The following ADAMTS18 variants were observed in gnomAD, a reference collection of about 807,000 sequenced individuals.
The protein encoded by ADAMTS18 is A disintegrin and metalloproteinase with thrombospondin motifs 18.
In ADAMTS18, 157 loss-of-function variants were observed where a neutral mutation model predicts 165.9. That is an observed-to-expected ratio of 0.95 (90% CI 0.83 to 1.08). ADAMTS18 has a LOEUF of 1.08. ADAMTS18 is among the 50% of genes least tolerant of loss of function. The pLI, the probability that ADAMTS18 is intolerant of heterozygous loss-of-function variation, is 0.00. For missense variants in ADAMTS18, 2,040 were observed against 1,534.0 expected (o/e 1.33, Z -5.51); for synonymous variants, 782 against 578.2 (o/e 1.35, Z -5.06).
intron 3 of ADAMTS18, among the ~76,000 whole-genome samples, chr16:77,430,513 C>A (rs2057725877): frequency 6.6e-6 from 1 of 152,228 alleles, no homozygotes; most frequent in Non-Finnish European, 1.5e-5. Flanking sequence ...TGCCAGAGCA[C>A]AATCACCATG....
chr16:77,429,007 T>A (rs2057706769), intron 3 of ADAMTS18, among the ~76,000 whole-genome samples: 1 of 152,146 alleles, frequency 6.6e-6, no homozygotes, highest in African/African-American at 2.4e-5. Flanking sequence ...GTAAATTAGT[T>A]CAACCATTGT....
At chr16:77,311,101 G>GA (rs113014377) in intron 16 of ADAMTS18, among the ~76,000 whole-genome samples, 2 of 151,746 alleles carry the variant, frequency 1.3e-5, no homozygotes, top group African/African-American at 2.4e-5. Context: ...ATATGAAAGG[G>GA]AAAAAAAAGA....
intron 20 of ADAMTS18, among the ~76,000 whole-genome samples, chr16:77,292,533 G>A (rs188746096): frequency 6.6e-6 from 1 of 152,266 alleles, no homozygotes; most frequent in Non-Finnish European, 1.5e-5. Context: ...TTCTGACAAG[G>A]GTTCTTCCCA....
chr16:77,341,882 A>G, intron 10 of ADAMTS18, 83 bp from the exon 11 acceptor site: 1 of 1,105,400 alleles, frequency 9.0e-7, no homozygotes, highest in South Asian at 1.4e-5. Flanking sequence ...ATATAATATT[A>G]TATTTTGGGG....
At chr16:77,367,779 G>C in intron 3 of ADAMTS18, 56 bp from the exon 4 acceptor site, 1 of 1,611,968 alleles carries the variant, frequency 6.2e-7, no homozygotes, top group Non-Finnish European at 8.5e-7. Context: ...CTGTGCCAAG[G>C]GTTGGTTTTC....
intron 7 of ADAMTS18, 74 bp downstream of exon 7, chr16:77,362,031 C>G: frequency 6.7e-7 from 1 of 1,502,234 alleles, no homozygotes; most frequent in African/African-American, 1.4e-5. Flanking sequence ...TAAGGGCTAT[C>G]CATCATCCAT....
chr16:77,286,153 C>A (rs2055246598), intron 22 of ADAMTS18, among the ~76,000 whole-genome samples: 1 of 152,156 alleles, frequency 6.6e-6, no homozygotes, highest in African/African-American at 2.4e-5. Context: ...TTAGTATATT[C>A]CTGCCTCGGG....
chr16:77,387,283 T>G (rs1363060849), intron 3 of ADAMTS18, among the ~76,000 whole-genome samples: 1 of 152,190 alleles, frequency 6.6e-6, no homozygotes, highest in African/African-American at 2.4e-5. Context: ...CTTGCCAAAC[T>G]CTGGCTCATT....
chr16:77,359,256 G>A (rs1406924482), intron 8 of ADAMTS18, 62 bp downstream of exon 8: 8 of 1,392,086 alleles, frequency 5.7e-6, no homozygotes, highest in African/African-American at 1.4e-5. Flanking sequence ...AACGGTTAGA[G>A]GAACACCAAT....
intron 17 of ADAMTS18, among the ~76,000 whole-genome samples, chr16:77,298,333 C>G (rs2055515399): frequency 6.6e-6 from 1 of 151,904 alleles, no homozygotes; most frequent in African/African-American, 2.4e-5. Context: ...TTTTTAGTTC[C>G]CCAAATAGAG....
At chr16:77,322,258 A>G in intron 14 of ADAMTS18, 78 bp downstream of exon 14, 1 of 1,570,664 alleles carries the variant, frequency 6.4e-7, no homozygotes, top group South Asian at 1.1e-5. Context: ...ACAATCTCTC[A>G]CACCACTGTT....
At chr16:77,422,456 G>C (rs1021922783) in intron 3 of ADAMTS18, among the ~76,000 whole-genome samples, 1 of 151,400 alleles carries the variant, frequency 6.6e-6, no homozygotes, top group African/African-American at 2.4e-5. Context: ...CTTGGATCTA[G>C]CCTTGTTGAA....
At chr16:77,287,864 G>GTGAA (rs1247154060) in intron 22 of ADAMTS18, among the ~76,000 whole-genome samples, 13 of 152,254 alleles carry the variant, frequency 8.5e-5, no homozygotes, top group African/African-American at 3.1e-4. Context: ...CTGTAACACT[G>GTGAA]TGAATATTCC....
At chr16:77,367,978 G>A (rs1164284841) in intron 3 of ADAMTS18, among the ~76,000 whole-genome samples, 1 of 152,184 alleles carries the variant, frequency 6.6e-6, no homozygotes, top group Admixed American at 6.5e-5. Context: ...CTGGGCTCAA[G>A]TGATCCTCCC....
At chr16:77,348,815 T>C (rs1356284564) in intron 10 of ADAMTS18, among the ~76,000 whole-genome samples, 1 of 152,082 alleles carries the variant, frequency 6.6e-6, no homozygotes, top group Non-Finnish European at 1.5e-5. Context: ...CCCAGAGAAA[T>C]AAATGTTTAA....
intron 18 of ADAMTS18, 57 bp from the exon 19 acceptor site, chr16:77,295,184 A>G (rs1476826858): frequency 6.3e-7 from 1 of 1,587,890 alleles, no homozygotes; most frequent in East Asian, 2.2e-5. Flanking sequence ...ATAACTTCCA[A>G]AGCAGTTACT....
intron 3 of ADAMTS18, among the ~76,000 whole-genome samples, chr16:77,415,608 T>G (rs2057520158): frequency 6.6e-6 from 1 of 151,644 alleles, no homozygotes; most frequent in Admixed American, 6.6e-5. Flanking sequence ...CTAGTCAGTA[T>G]GTAAAACATG....
Position 77,332,266 on chromosome 16 carries a change from C to T in ADAMTS18, c.1859+3490G>A, listed in dbSNP as rs138377507. ...TTAAATCTGTTTTCCAAGTTTCCAT[C>T]ACATTCTTCTCACTCCATCACATTC... is the stretch of plus-strand genomic sequence containing the variant. On this transcript the variant is annotated intron_variant, in intron 12 of 22. Coordinates refer to ENST00000282849, the MANE Select transcript of ADAMTS18 (RefSeq NM_199355.4). 5.1e-4 allele frequency among the ~76,000 whole-genome samples: 78 copies of T among 152,288 alleles called. 1 individual carries two copies. Among genetic ancestry groups the T allele is most frequent in the Non-Finnish European group, 9.7e-4 (66 of 68,016 alleles).
At chr16:77,396,125 C>A (rs1008379899) in intron 3 of ADAMTS18, among the ~76,000 whole-genome samples, 8 of 152,178 alleles carry the variant, frequency 5.3e-5, no homozygotes, top group African/African-American at 1.7e-4. Flanking sequence ...TTTCACTAGC[C>A]ATTGACGACC....
Sources: gnomAD v4.1 joint callset for allele counts (sites outside exome capture counted in the v4.1 genomes callset) on GRCh38, gnomAD v4.1.1 for gene constraint, MANE v1.5 for transcripts, NCBI Gene and HGNC (gene_info 2026-07-23, HGNC 2026-07-21) for gene names.